Variants in CNTNAP5 observed in about 807,000 individuals in gnomAD.
CNTNAP5 encodes contactin associated protein family member 5.
CNTNAP5 carries 72 observed loss-of-function variants against 150.2 expected under a neutral mutation model. The ratio of observed to expected loss-of-function variants is 0.48; its 90% CI spans 0.40 to 0.58. The LOEUF (loss-of-function observed/expected upper bound fraction) is 0.58, where lower values mean the gene tolerates loss of function less well. CNTNAP5 is among the 20% of genes least tolerant of loss of function. The pLI, the probability that CNTNAP5 is intolerant of heterozygous loss-of-function variation, is 0.00. For missense variants in CNTNAP5, 1,636 were observed against 1,626.2 expected, an observed-to-expected ratio of 1.01 and a Z score of -0.10; for synonymous variants, 672 against 619.8, an observed-to-expected ratio of 1.08 and a Z score of -1.25.
At chr2:124,447,909 G>A (rs1298641368) in intron 6 of CNTNAP5, among the ~76,000 whole-genome samples, 1 of 152,116 alleles carries the variant, frequency 6.6e-6, no homozygotes, top group African/African-American at 2.4e-5. Context: ...CTTGTTACCA[G>A]TTCATGAGTT....
intron 1 of CNTNAP5, among the ~76,000 whole-genome samples, chr2:124,197,304 C>A (rs536299765): frequency 1.3e-5 from 2 of 151,624 alleles, no homozygotes; most frequent in South Asian, 4.2e-4. Context: ...AAAGTTTTAC[C>A]ATCTACACTT....
At chr2:124,342,664 C>T (rs1439096204) in intron 3 of CNTNAP5, among the ~76,000 whole-genome samples, 2 of 152,012 alleles carry the variant, frequency 1.3e-5, no homozygotes, top group African/African-American at 4.8e-5. Context: ...GAATAATTCA[C>T]AAATTTTGGA....
chr2:124,149,836 C>T (rs1274821332), intron 1 of CNTNAP5, among the ~76,000 whole-genome samples: 3 of 152,210 alleles, frequency 2.0e-5, no homozygotes, highest in Non-Finnish European at 4.4e-5. Flanking sequence ...CTGTTGCCGC[C>T]AAAACAATCC....
At chr2:124,081,985 C>A (rs1682568641) in intron 1 of CNTNAP5, among the ~76,000 whole-genome samples, 2 of 152,108 alleles carry the variant, frequency 1.3e-5, no homozygotes, top group Admixed American at 1.3e-4. Context: ...TCTTCTCAAC[C>A]TCAACATCTG....
chr2:124,748,172 T>C (rs753419542), intron 14 of CNTNAP5, among the ~76,000 whole-genome samples: 2 of 152,158 alleles, frequency 1.3e-5, no homozygotes, highest in Non-Finnish European at 2.9e-5. Context: ...GAAATGTATA[T>C]TTATTAAGCA....
chr2:124,601,932 A>G (rs1696994704), intron 11 of CNTNAP5, among the ~76,000 whole-genome samples: 1 of 152,204 alleles, frequency 6.6e-6, no homozygotes, highest in Non-Finnish European at 1.5e-5. Flanking sequence ...CTTGAGGGTG[A>G]GGAGATGCTT....
At chr2:124,049,155 A>G (rs141877349) in intron 1 of CNTNAP5, among the ~76,000 whole-genome samples, 3 of 152,272 alleles carry the variant, frequency 2.0e-5, no homozygotes, top group Non-Finnish European at 2.9e-5. Flanking sequence ...TAACGTCCCT[A>G]TGATCTCCTT....
chr2:124,760,058 T>C (rs1407529901), intron 14 of CNTNAP5, among the ~76,000 whole-genome samples: 1 of 150,978 alleles, frequency 6.6e-6, no homozygotes, highest in South Asian at 2.1e-4. Context: ...CAGTGCAGCA[T>C]TGCAGACTTG....
intron 1 of CNTNAP5, among the ~76,000 whole-genome samples, chr2:124,133,244 C>G (rs1683900733): frequency 6.6e-6 from 1 of 152,146 alleles, no homozygotes; most frequent in South Asian, 2.1e-4. Flanking sequence ...CGCTCCATAG[C>G]TCCTTCTGTT....
At chr2:124,665,452 C>T (rs777030300) in intron 13 of CNTNAP5, among the ~76,000 whole-genome samples, 13 of 152,156 alleles carry the variant, frequency 8.5e-5, no homozygotes, top group African/African-American at 2.2e-4. Context: ...CATCAACTGA[C>T]GAGCAAATAT....
At chr2:124,641,555 G>A (rs917925788) in intron 12 of CNTNAP5, among the ~76,000 whole-genome samples, 13 of 152,174 alleles carry the variant, frequency 8.5e-5, no homozygotes, top group African/African-American at 3.1e-4. Flanking sequence ...GAAAATGAGA[G>A]GTAGAGACAG....
chr2:124,414,722 C>CGT (rs58485169), intron 3 of CNTNAP5, among the ~76,000 whole-genome samples: 210 of 149,710 alleles, frequency 1.4e-3, no homozygotes, highest in East Asian at 5.3e-3. Flanking sequence ...TGTGTGTGTG[C>CGT]GTGTGTGTGT....
At chr2:124,120,176 A>T (rs1454906400) in intron 1 of CNTNAP5, among the ~76,000 whole-genome samples, 1 of 152,180 alleles carries the variant, frequency 6.6e-6, no homozygotes, top group East Asian at 1.9e-4. Context: ...GCTGGAAGTT[A>T]TGTCTTGTGA....
chr2:124,629,936 CAAA>C (rs70996084), intron 12 of CNTNAP5, among the ~76,000 whole-genome samples: 5 of 67,756 alleles, frequency 7.4e-5, no homozygotes, highest in Admixed American at 3.8e-4. Context: ...CACCTCTATG[CAAA>C]AAAAAAAAAA....
In CNTNAP5 at chr2:124,557,129, A is replaced by G. The variant is rs1695776129; in HGVS notation, c.1650-6088A>G. Among the ~76,000 whole-genome samples, 2 of 152,134 alleles carry G rather than the reference A, an allele frequency of 1.3e-5. 1 individual carries two copies. The highest frequency in any genetic ancestry group is 4.1e-4 in the South Asian group (2 of 4,832). On this transcript the variant is annotated intron_variant, in intron 10 of 23. Coordinates refer to ENST00000682447, the MANE Select transcript of CNTNAP5 (RefSeq NM_001367498.1). ...AATAAAGTTGTTAGGGCCCAAAAATACAGCTCAATGGACATAAGTAATCAA... is the reference window on the plus strand; with the variant it reads ...AATAAAGTTGTTAGGGCCCAAAAATGCAGCTCAATGGACATAAGTAATCAA...
intron 6 of CNTNAP5, among the ~76,000 whole-genome samples, chr2:124,457,953 GTACT>G (rs1487314744): frequency 1.3e-5 from 2 of 151,498 alleles, no homozygotes; most frequent in Non-Finnish European, 2.9e-5. Context: ...GAACACTTCT[GTACT>G]GTTAGTGGCA....
At chr2:124,632,410 G>A (rs568944202) in intron 12 of CNTNAP5, among the ~76,000 whole-genome samples, 6 of 152,212 alleles carry the variant, frequency 3.9e-5, no homozygotes, top group East Asian at 1.9e-4. Context: ...GCAGGGACAC[G>A]AATGAAGCTG....
chr2:124,756,358 G>A (rs1680839893), intron 14 of CNTNAP5, among the ~76,000 whole-genome samples: 1 of 152,126 alleles, frequency 6.6e-6, no homozygotes, highest in Non-Finnish European at 1.5e-5. Flanking sequence ...ACAGTGTGGC[G>A]ATTCCTCAAA....
At chr2:124,680,779 G>A (rs1370167190) in intron 13 of CNTNAP5, 3 of 151,856 alleles carry the variant, frequency 2.0e-5, no homozygotes, top group Non-Finnish European at 4.4e-5. Flanking sequence ...TTGTAAGGAT[G>A]ATGCTAATGA....
Sources: gnomAD v4.1 joint callset for allele counts (sites outside exome capture counted in the v4.1 genomes callset) on GRCh38, gnomAD v4.1.1 for gene constraint, MANE v1.5 for transcripts, NCBI Gene and HGNC (gene_info 2026-07-23, HGNC 2026-07-21) for gene names.